The following JPT2 variants were observed in gnomAD, a reference collection of about 807,000 sequenced individuals.
JPT2 encodes Jupiter microtubule associated homolog 2.
JPT2 carries 9 observed loss-of-function variants against 15.9 expected under a neutral mutation model. The observed-to-expected ratio is 0.57, with a 90% CI of 0.34 to 0.99. JPT2 has a LOEUF of 0.99. Ranked by LOEUF, JPT2 falls within the 50% of genes least tolerant of loss-of-function variation. The probability of loss-of-function intolerance (pLI) is 0.02; values close to 1 mark genes in which losing one functional copy is unlikely to be tolerated. For synonymous variants in JPT2, 95 were observed against 91.7 expected (o/e 1.04, Z -0.21); for missense variants, 267 against 252.1 (o/e 1.06, Z -0.40).
rs777690508 is a variant in JPT2, at chr16:1,699,067, C to T, written c.*69C>T. The T allele has an allele frequency of 2.5e-5, 38 of 1,528,384 alleles. 1 individual carries two copies. The South Asian group carries it at 4.3e-4, about 17-fold the overall frequency. The allele number at this position is 1,528,384 out of a possible 1,614,324, so 94.7% of individuals were successfully genotyped here. On this transcript the variant is annotated 3_prime_UTR_variant, in exon 5 of 5. Transcript: ENST00000248098. ...GATAGGGTAGCCATGTTTTCATTTC[C>T]TTTTGCCCAAATGAGCGGGGTGGGA... is the stretch of plus-strand genomic sequence containing the variant.
Position 1,701,333 on chromosome 16 carries a change from C to T in JPT2, c.*2335C>T, listed in dbSNP as rs2037178838. ...TACCAAAACAAAAAGCCTGTACTCA[C>T]ATCACAATGTCATTTTGATAGGAGC... On this transcript the variant is annotated 3_prime_UTR_variant, in exon 5 of 5. Coordinates refer to ENST00000248098, the MANE Select transcript of JPT2 (RefSeq NM_144570.3). The T allele has an allele frequency of 6.6e-6, 1 of 152,654 alleles. No individual in the cohort carries two copies. The highest frequency in any genetic ancestry group is 1.5e-5 in the Non-Finnish European group (1 of 68,060). The allele number at this position is 152,654 out of a possible 1,614,324, so 9.5% of individuals were successfully genotyped here.
Position 1,685,479 on chromosome 16 carries a change from G to A in JPT2, c.85G>A (p.Gly29Arg). 6.2e-7 allele frequency: 1 copy of A among 1,614,102 alleles called. No individual in the cohort carries two copies. The highest frequency in any genetic ancestry group is 8.5e-7 in the Non-Finnish European group (1 of 1,180,018). ...PPGGESSNLF[G>R]SPEEATPSSR... ...AGGAGGAGAATCGAGCAATCTTTTT[G>A]GAAGTCCAGAAGAAGCTACTCCTTC... is the stretch of plus-strand genomic sequence containing the variant. The change falls in exon 2 of 5, where the codon GGA becomes AGA. Residue 29 changes from glycine (G) to arginine (R), a missense_variant. Coordinates refer to ENST00000248098, the MANE Select transcript of JPT2 (RefSeq NM_144570.3).
intron 3 of JPT2, among the ~76,000 whole-genome samples, chr16:1,695,287 C>G (rs1447054811): frequency 6.6e-6 from 1 of 152,030 alleles, no homozygotes; most frequent in Non-Finnish European, 1.5e-5. Flanking sequence ...TGCTTGTAAT[C>G]TCAGCTACTC....
intron 2 of JPT2, among the ~76,000 whole-genome samples, 173 bp from the exon 3 acceptor site, chr16:1,691,670 G>C (rs1251978621): frequency 4.6e-5 from 7 of 151,938 alleles, no homozygotes; most frequent in Non-Finnish European, 1.0e-4. Context: ...GGTTTTCAGG[G>C]GTTTCATGGA....
chr16:1,683,440 G>A (rs2037040417), intron 1 of JPT2: 1 of 1,039,328 alleles, frequency 9.6e-7, no homozygotes, highest in Non-Finnish European at 1.4e-6. Flanking sequence ...TTGGTTATTG[G>A]TTATTTTTAA....
chr16:1,685,752 T>G, intron 2 of JPT2, 165 bp downstream of exon 2: 1 of 732,418 alleles, frequency 1.4e-6, no homozygotes, highest in Non-Finnish European at 2.1e-6. Flanking sequence ...CTTTCTCTCT[T>G]GAAGGTGACT....
intron 2 of JPT2, among the ~76,000 whole-genome samples, chr16:1,688,114 C>T (rs1444629140): frequency 1.3e-5 from 2 of 152,132 alleles, no homozygotes; most frequent in African/African-American, 2.4e-5. Flanking sequence ...TAATATTTAC[C>T]GGGGACTGTG....
intron 1 of JPT2, among the ~76,000 whole-genome samples, chr16:1,684,027 A>G (rs1195122678): frequency 6.6e-6 from 1 of 152,224 alleles, no homozygotes; most frequent in Non-Finnish European, 1.5e-5. Flanking sequence ...TCTAGGTTAC[A>G]AGGTTACATA....
At chr16:1,697,305 GGA>G (rs2037149223) in intron 3 of JPT2, among the ~76,000 whole-genome samples, 1 of 152,208 alleles carries the variant, frequency 6.6e-6, no homozygotes, top group Non-Finnish European at 1.5e-5. Context: ...CTTGAGTCCA[GGA>G]GTTTGAGATG....
Position 1,700,144 on chromosome 16 carries a change from T to C in JPT2, c.*1146T>C, listed in dbSNP as rs1262569261. The C allele has an allele frequency of 2.2e-6, 1 of 455,964 alleles. No individual in the cohort carries two copies. Among genetic ancestry groups the C allele is most frequent in the Non-Finnish European group, 4.4e-6 (1 of 226,794 alleles). 28.2% of individuals were successfully genotyped at this position (455,964 alleles called of 1,614,324 possible). ...GGAGGCCACCCTCTACAAAGCTTTA[T>C]AGAACTTCTGGATCTAACTCACAAA... is the stretch of plus-strand genomic sequence containing the variant. On this transcript the variant is annotated 3_prime_UTR_variant, in exon 5 of 5. Transcript: ENST00000248098.
In JPT2 at chr16:1,701,601, T is replaced by G. The variant is rs2037180643; in HGVS notation, c.*2603T>G. On this transcript the variant is annotated 3_prime_UTR_variant, in exon 5 of 5. Coordinates refer to ENST00000248098, the MANE Select transcript of JPT2 (RefSeq NM_144570.3). ...GGGAATAAGCCAGTTTTTTTTTTTC[T>G]GTTTCTGTAACTTAAATGAACGGGT... is the stretch of plus-strand genomic sequence containing the variant. 1 of 152,216 alleles carries G rather than the reference T, an allele frequency of 6.6e-6. No individual in the cohort carries two copies. The highest frequency in any genetic ancestry group is 2.1e-4 in the South Asian group (1 of 4,822). The allele number at this position is 152,216 out of a possible 1,614,324, so 9.4% of individuals were successfully genotyped here.
At chr16:1,680,541 C>T in intron 1 of JPT2, 1 of 1,182,590 alleles carries the variant, frequency 8.5e-7, no homozygotes, top group African/African-American at 1.6e-5. Flanking sequence ...AGACGCTGCA[C>T]ATTTGCCACT....
In JPT2 at chr16:1,691,898, C is replaced by T. The variant is rs1176818793; in HGVS notation, c.249C>T (p.His83=). 2 of 1,614,032 alleles carry T rather than the reference C, an allele frequency of 1.2e-6. No homozygotes were observed. Among genetic ancestry groups the T allele is most frequent in the Non-Finnish European group, 1.7e-6 (2 of 1,180,032 alleles). Residue 83 remains histidine, a synonymous_variant, in exon 3 of 5, where the codon CAC becomes CAT. Transcript: ENST00000248098. ...DESTPVQTRQ[H]LNPPGGKTSD... ...CAACCCCCGTGCAGACTCGACAGCACCTGAACCCACCTGGAGGGAAGACCA... is the reference window on the plus strand; with the variant it reads ...CAACCCCCGTGCAGACTCGACAGCATCTGAACCCACCTGGAGGGAAGACCA...
At chr16:1,683,159 G>C (rs977098716) in intron 1 of JPT2, among the ~76,000 whole-genome samples, 2 of 152,070 alleles carry the variant, frequency 1.3e-5, no homozygotes, top group African/African-American at 4.8e-5. Flanking sequence ...TGTATTTTTA[G>C]TAGAGACGGG....
intron 3 of JPT2, among the ~76,000 whole-genome samples, chr16:1,694,619 A>G (rs899472538): frequency 5.3e-5 from 8 of 152,206 alleles, no homozygotes; most frequent in Admixed American, 5.2e-4. Context: ...ACAGCATGGC[A>G]CTGGCATGAA....
At chr16:1,696,015 G>C (rs1000181694) in intron 3 of JPT2, among the ~76,000 whole-genome samples, 2 of 151,970 alleles carry the variant, frequency 1.3e-5, no homozygotes, top group African/African-American at 2.4e-5. Context: ...GATCACCTGA[G>C]GTCAAGAGTT....
Position 1,699,241 on chromosome 16 carries a change from G to T in JPT2, c.*243G>T. ...TGGCCATCACTCATGTGTAGTCCAG[G>T]TTTGAGAGGAACTGGAAGGGGGGTG... On this transcript the variant is annotated 3_prime_UTR_variant, in exon 5 of 5. Coordinates refer to ENST00000248098, the MANE Select transcript of JPT2 (RefSeq NM_144570.3). 75 of 544,282 alleles carry T rather than the reference G, an allele frequency of 1.4e-4. No individual in the cohort carries two copies. Among genetic ancestry groups the T allele is most frequent in the Middle Eastern group, 5.6e-4 (2 of 3,570 alleles). The allele number at this position is 544,282 out of a possible 1,614,324, so 33.7% of individuals were successfully genotyped here. A position where few individuals can be genotyped will look rare whatever the true frequency, so the allele number is the denominator to read the frequency against.
chr16:1,684,539 G>A (rs1477166030), intron 1 of JPT2, among the ~76,000 whole-genome samples: 3 of 151,920 alleles, frequency 2.0e-5, no homozygotes, highest in African/African-American at 7.3e-5. Flanking sequence ...TCAGGAGTTC[G>A]AGACCAACCT....
Position 1,685,432 on chromosome 16 carries a change from C to T in JPT2, c.45-7C>T. The T allele has an allele frequency of 1.2e-6, 2 of 1,613,922 alleles. No homozygotes were observed. The highest frequency in any genetic ancestry group is 1.7e-6 in the Non-Finnish European group (2 of 1,179,898). The stretch of plus-strand genomic sequence containing the variant: ...ATCAGTAATTGGCATGTACTCTGTG[C>T]TTGTAGGGCCATGAAGCCCCCAGGA... On this transcript the variant is annotated splice_polypyrimidine_tract_variant and splice_region_variant and intron_variant, in intron 1 of 4. Coordinates refer to ENST00000248098, the MANE Select transcript of JPT2 (RefSeq NM_144570.3).
Sources: allele counts gnomAD v4.1 joint callset (sites outside exome capture counted in the v4.1 genomes callset), GRCh38; gene constraint gnomAD v4.1.1; transcripts MANE v1.5; gene names NCBI Gene and HGNC (gene_info 2026-07-23, HGNC 2026-07-21).